RANBP17: variants seen among roughly 807,000 people sequenced by gnomAD.
RANBP17 encodes RAN binding protein 17.
Under a neutral mutation model 141.2 loss-of-function variants are expected in RANBP17, and 158 were observed. The observed-to-expected ratio is 1.12, with a 90% CI of 0.98 to 1.28. The LOEUF is 1.28. Ranked by LOEUF, RANBP17 falls within the 50% of genes most tolerant of loss-of-function variation. RANBP17 has a pLI of 0.00. For synonymous variants in RANBP17, 430 were observed against 450.0 expected (o/e 0.96, Z 0.56); for missense variants, 1,438 against 1,290.7 (o/e 1.11, Z -1.75).
chr5:171,270,288 A>C (rs187024809), intron 25 of RANBP17, among the ~76,000 whole-genome samples: 1 of 152,374 alleles, frequency 6.6e-6, no homozygotes, highest in East Asian at 1.9e-4. Context: ...TGCAAGCATT[A>C]AAATTTAGTC....
chr5:171,004,787 G>A (rs1012364256), intron 14 of RANBP17, among the ~76,000 whole-genome samples: 26 of 152,162 alleles, frequency 1.7e-4, no homozygotes, highest in African/African-American at 5.6e-4. Context: ...GACAGGGCAC[G>A]GCTTAGGAGG....
chr5:171,288,453 A>G (rs1313050632), intron 25 of RANBP17, among the ~76,000 whole-genome samples: 1 of 152,224 alleles, frequency 6.6e-6, no homozygotes, highest in Non-Finnish European at 1.5e-5. Flanking sequence ...AGCCTCAGCC[A>G]CTATGCTGGT....
intron 3 of RANBP17, among the ~76,000 whole-genome samples, chr5:170,890,292 G>T (rs567696310): frequency 1.3e-5 from 2 of 152,038 alleles, no homozygotes; most frequent in Non-Finnish European, 2.9e-5. Flanking sequence ...CTTATGTTTT[G>T]TTATTGAAAT....
intron 14 of RANBP17, among the ~76,000 whole-genome samples, chr5:171,002,276 C>T (rs531873969): frequency 5.9e-5 from 9 of 151,818 alleles, no homozygotes; most frequent in East Asian, 1.9e-4. Context: ...GTGGAGGTTT[C>T]GGTGGGAGAG....
At chr5:171,083,809 G>A (rs1018729196) in intron 14 of RANBP17, among the ~76,000 whole-genome samples, 3 of 151,938 alleles carry the variant, frequency 2.0e-5, no homozygotes, top group African/African-American at 7.3e-5. Flanking sequence ...TATTATAAGG[G>A]GGAGTTTCCT....
chr5:171,008,851 G>C (rs1186557727), intron 14 of RANBP17, among the ~76,000 whole-genome samples: 1 of 152,134 alleles, frequency 6.6e-6, no homozygotes, highest in Admixed American at 6.5e-5. Context: ...CTGACATACT[G>C]ACCTTATGTT....
chr5:171,207,366 C>G (rs1297545698), intron 20 of RANBP17: 1 of 152,078 alleles, frequency 6.6e-6, no homozygotes, highest in African/African-American at 2.4e-5. Flanking sequence ...AACTATCTGC[C>G]GTAATTGATA....
chr5:171,101,766 G>A (rs747543333), intron 14 of RANBP17, among the ~76,000 whole-genome samples: 37 of 152,152 alleles, frequency 2.4e-4, no homozygotes, highest in Non-Finnish European at 4.3e-4. Flanking sequence ...GTTTCCTTCA[G>A]GAGTTCTTGT....
chr5:170,867,752 G>A (rs535123190), intron 1 of RANBP17, among the ~76,000 whole-genome samples: 3 of 152,096 alleles, frequency 2.0e-5, no homozygotes, highest in Non-Finnish European at 4.4e-5. Context: ...CAGCTTTACT[G>A]AAGTACAATT....
At chr5:171,158,991 C>G (rs1282158544) in intron 14 of RANBP17, among the ~76,000 whole-genome samples, 2 of 152,188 alleles carry the variant, frequency 1.3e-5, no homozygotes, top group Non-Finnish European at 2.9e-5. Context: ...AGTTTATCTT[C>G]AACCTTAATC....
chr5:171,280,092 T>C (rs1767762837), intron 25 of RANBP17, among the ~76,000 whole-genome samples: 1 of 151,996 alleles, frequency 6.6e-6, no homozygotes, highest in Non-Finnish European at 1.5e-5. Flanking sequence ...AAAGTAAGAG[T>C]GGGCTTAATA....
intron 14 of RANBP17, among the ~76,000 whole-genome samples, chr5:171,167,643 T>G (rs1759795000): frequency 6.6e-6 from 1 of 152,170 alleles, no homozygotes; most frequent in African/African-American, 2.4e-5. Context: ...TTTTCATCTT[T>G]GTTAAACAAA....
chr5:170,981,702 T>C (rs1029777771), intron 14 of RANBP17, among the ~76,000 whole-genome samples: 3 of 152,158 alleles, frequency 2.0e-5, no homozygotes, highest in Admixed American at 6.5e-5. Flanking sequence ...CTCAGGTATG[T>C]CTTTATCAGC....
At chr5:171,132,712 A>G (rs1184693424) in intron 14 of RANBP17, among the ~76,000 whole-genome samples, 1 of 151,688 alleles carries the variant, frequency 6.6e-6, no homozygotes, top group Non-Finnish European at 1.5e-5. Flanking sequence ...ACAGAGCAAG[A>G]CCCTATCTCA....
intron 10 of RANBP17, 54 bp from the exon 11 acceptor site, chr5:170,919,387 C>T (rs1772241451): frequency 1.7e-6 from 2 of 1,183,012 alleles, no homozygotes; most frequent in South Asian, 1.9e-5. Context: ...TTCTGTAATT[C>T]TTATTGTAGG....
chr5:171,157,547 A>G (rs1758995011), intron 14 of RANBP17, among the ~76,000 whole-genome samples: 1 of 152,252 alleles, frequency 6.6e-6, no homozygotes, highest in Non-Finnish European at 1.5e-5. Context: ...GCTTTAAAAT[A>G]TGAGCATTTC....
At chr5:170,874,828 T>C (rs1038433113) in intron 1 of RANBP17, among the ~76,000 whole-genome samples, 1 of 152,168 alleles carries the variant, frequency 6.6e-6, no homozygotes, top group Non-Finnish European at 1.5e-5. Context: ...CCCATTTACA[T>C]TTAAAGTTAA....
intron 5 of RANBP17, among the ~76,000 whole-genome samples, chr5:170,897,780 G>A (rs1196476857): frequency 6.6e-6 from 1 of 152,144 alleles, no homozygotes; most frequent in Admixed American, 6.5e-5. Flanking sequence ...TGGTGTATAT[G>A]TGGCACATTT....
At chr5:171,106,549 A>AG (rs752256410) in intron 14 of RANBP17, among the ~76,000 whole-genome samples, 1 of 152,188 alleles carries the variant, frequency 6.6e-6, no homozygotes, top group African/African-American at 2.4e-5. Flanking sequence ...AAATGATGGA[A>AG]GTAGTATTCA....
Sources: allele counts gnomAD v4.1 joint callset (sites outside exome capture counted in the v4.1 genomes callset), GRCh38; gene constraint gnomAD v4.1.1; transcripts MANE v1.5; gene names NCBI Gene and HGNC (gene_info 2026-07-23, HGNC 2026-07-21).